The following ZNF804B variants were observed in gnomAD, a reference collection of about 807,000 sequenced individuals.
ZNF804B encodes the protein zinc finger protein 804B.
ZNF804B carries 80 observed loss-of-function variants against 101.4 expected under a neutral mutation model. The observed-to-expected ratio is 0.79, with a 90% CI of 0.66 to 0.95. The LOEUF is 0.95. Ranked by LOEUF, ZNF804B falls within the 40% of genes least tolerant of loss-of-function variation. The pLI is 0.00. For synonymous variants in ZNF804B, 622 were observed against 558.8 expected (o/e 1.11, Z -1.59); for missense variants, 1,673 against 1,561.9 (o/e 1.07, Z -1.20).
At chr7:88,946,335 C>A (rs1303812799) in intron 1 of ZNF804B, among the ~76,000 whole-genome samples, 1 of 151,814 alleles carries the variant, frequency 6.6e-6, no homozygotes, top group African/African-American at 2.4e-5. Context: ...GCCTTTTCTG[C>A]ATCTATTTAG....
chr7:89,140,055 G>T (rs1790693427), intron 1 of ZNF804B, among the ~76,000 whole-genome samples: 2 of 152,056 alleles, frequency 1.3e-5, no homozygotes, highest in African/African-American at 4.8e-5. Flanking sequence ...ATGAATGTTT[G>T]TGTTAGTGGG....
At chr7:89,156,327 C>A (rs1790975214) in intron 1 of ZNF804B, among the ~76,000 whole-genome samples, 2 of 152,038 alleles carry the variant, frequency 1.3e-5, no homozygotes, top group Non-Finnish European at 2.9e-5. Flanking sequence ...GTTGGTCTGG[C>A]TGATCTCAAA....
intron 1 of ZNF804B, among the ~76,000 whole-genome samples, chr7:89,185,948 C>T (rs1245997795): frequency 6.6e-6 from 1 of 151,696 alleles, no homozygotes; most frequent in Non-Finnish European, 1.5e-5. Flanking sequence ...TTAGTGCATC[C>T]AAAACTGTGG....
At chr7:88,761,466 C>G (rs1338779136) in intron 1 of ZNF804B, among the ~76,000 whole-genome samples, 4 of 152,134 alleles carry the variant, frequency 2.6e-5, no homozygotes, top group Admixed American at 1.3e-4. Context: ...GAATCTTTCC[C>G]ATTTCTAAAG....
rs182430530 is a variant in ZNF804B at position 89,008,845 on chromosome 7, A to G, written c.109-209310A>G. 1.2e-4 allele frequency among the ~76,000 whole-genome samples: 19 copies of G among 152,204 alleles called. 1 individual carries two copies. The highest frequency in any genetic ancestry group is 2.6e-4 in the Non-Finnish European group (18 of 68,022). Reference sequence around the variant, plus strand: ...GCTCCCATCTCCTTGAATGTAGCCCATGTTTAGCCCCTCTGTCTTAAGTAA... The same window carrying G: ...GCTCCCATCTCCTTGAATGTAGCCCGTGTTTAGCCCCTCTGTCTTAAGTAA... On this transcript the variant is annotated intron_variant, in intron 1 of 3. Transcript: ENST00000333190.
rs907531413 is a variant in ZNF804B at position 89,310,534 on chromosome 7, G to A, written c.250-16810G>A. Among the ~76,000 whole-genome samples the A allele has an allele frequency of 1.3e-3, 194 of 152,126 alleles. 1 individual carries two copies. Among genetic ancestry groups the A allele is most frequent in the African/African-American group, 4.4e-3 (181 of 41,500 alleles). On this transcript the variant is annotated intron_variant, in intron 2 of 3. Coordinates refer to ENST00000333190, the MANE Select transcript of ZNF804B (RefSeq NM_181646.5). ...AGAGAGTTCTATTTCAGAAGATTTAGGTAGGAAATTAAGGAAATTGCAAAA... is the reference window on the plus strand; with the variant it reads ...AGAGAGTTCTATTTCAGAAGATTTAAGTAGGAAATTAAGGAAATTGCAAAA...
At chr7:88,807,727 A>G (rs918279249) in intron 1 of ZNF804B, among the ~76,000 whole-genome samples, 9 of 152,192 alleles carry the variant, frequency 5.9e-5, no homozygotes, top group Non-Finnish European at 1.5e-5. Context: ...CTTCTGTAAG[A>G]TTATAGACAG....
At chr7:88,773,312 G>A (rs1399993652) in intron 1 of ZNF804B, among the ~76,000 whole-genome samples, 1 of 152,188 alleles carries the variant, frequency 6.6e-6, no homozygotes, top group Non-Finnish European at 1.5e-5. Flanking sequence ...AGTATGTGTA[G>A]CAGAAACCTG....
chr7:88,957,786 C>T (rs184931918), intron 1 of ZNF804B, among the ~76,000 whole-genome samples: 173 of 151,040 alleles, frequency 1.1e-3, no homozygotes, highest in Non-Finnish European at 2.0e-3. Flanking sequence ...TTCTCTGGGT[C>T]CCTAAACTTT....
At chr7:88,799,286 T>C (rs1176224167) in intron 1 of ZNF804B, among the ~76,000 whole-genome samples, 1 of 152,060 alleles carries the variant, frequency 6.6e-6, no homozygotes, top group Non-Finnish European at 1.5e-5. Flanking sequence ...TACTTTTACA[T>C]ACAGTAACTA....
intron 1 of ZNF804B, among the ~76,000 whole-genome samples, chr7:88,908,140 C>A (rs1456253310): frequency 6.6e-6 from 1 of 151,724 alleles, no homozygotes; most frequent in Non-Finnish European, 1.5e-5. Context: ...AACTTATATT[C>A]TTGATCTCTA....
intron 1 of ZNF804B, among the ~76,000 whole-genome samples, chr7:88,768,982 G>C (rs1328787824): frequency 6.6e-6 from 1 of 152,002 alleles, no homozygotes; most frequent in African/African-American, 2.4e-5. Context: ...TCCTAATATG[G>C]TGTTTTGAGC....
chr7:89,099,689 G>A (rs1790025795), intron 1 of ZNF804B, among the ~76,000 whole-genome samples: 3 of 152,252 alleles, frequency 2.0e-5, no homozygotes, highest in South Asian at 4.1e-4. Flanking sequence ...TCTCAGTAAC[G>A]GTTGTGTTGG....
At chr7:89,309,499 T>G (rs376522237) in intron 2 of ZNF804B, among the ~76,000 whole-genome samples, 44 of 152,116 alleles carry the variant, frequency 2.9e-4, no homozygotes, top group African/African-American at 1.0e-3. Flanking sequence ...TGGTGGCTCA[T>G]GCCTGTAATC....
At chr7:88,962,052 G>A (rs1208644420) in intron 1 of ZNF804B, among the ~76,000 whole-genome samples, 1 of 151,200 alleles carries the variant, frequency 6.6e-6, no homozygotes, top group Non-Finnish European at 1.5e-5. Context: ...GCTTTTCCTT[G>A]TAAAGCTGCC....
chr7:89,193,297 T>C (rs1788490185), intron 1 of ZNF804B, among the ~76,000 whole-genome samples: 1 of 143,948 alleles, frequency 6.9e-6, no homozygotes, highest in Non-Finnish European at 1.6e-5. Context: ...TAGTCTACTT[T>C]CTATCTTTAT....
intron 1 of ZNF804B, among the ~76,000 whole-genome samples, chr7:88,945,522 A>G (rs1226024984): frequency 1.3e-5 from 2 of 151,920 alleles, no homozygotes. Flanking sequence ...GTCAGGTAGC[A>G]TGATTCCTCC....
intron 1 of ZNF804B, among the ~76,000 whole-genome samples, chr7:89,025,695 C>G (rs1318222190): frequency 2.0e-5 from 3 of 152,102 alleles, no homozygotes; most frequent in Non-Finnish European, 4.4e-5. Flanking sequence ...ATCTTGAGAT[C>G]AAAATATTCC....
chr7:89,336,042 T>C lies in ZNF804B; in HGVS notation c.3060T>C (p.Thr1020=). 6.2e-6 allele frequency: 10 copies of C among 1,614,000 alleles called. No homozygotes were observed. The highest frequency in any genetic ancestry group is 8.5e-6 in the Non-Finnish European group (10 of 1,179,996). Reference sequence around the variant, plus strand: ...ATAATTTTACAATTTTAGCAGACACTGATTGTGATAACCATCTTTCTAAAG... The same window carrying C: ...ATAATTTTACAATTTTAGCAGACACCGATTGTGATAACCATCTTTCTAAAG... ...HTNNFTILAD[T]DCDNHLSKGI... The change falls in exon 4 of 4, where the codon ACT becomes ACC. Residue 1020 remains threonine (T), a synonymous_variant. Coordinates refer to ENST00000333190, the MANE Select transcript of ZNF804B (RefSeq NM_181646.5).
Sources: allele counts gnomAD v4.1 joint callset (sites outside exome capture counted in the v4.1 genomes callset), GRCh38; gene constraint gnomAD v4.1.1; transcripts MANE v1.5; gene names NCBI Gene and HGNC (gene_info 2026-07-23, HGNC 2026-07-21).